The following BLTP1 variants were observed in gnomAD, a reference collection of about 807,000 sequenced individuals.
The protein encoded by BLTP1 is bridge-like lipid transfer protein family member 1.
At chr4:122,298,408 G>C in the BLTP1 span, among the ~76,000 whole-genome samples, 1 of 152,046 alleles carries the variant, frequency 6.6e-6, no homozygotes, top group Non-Finnish European at 1.5e-5. Context: ...ACAATTTTTT[G>C]TGGCAGTATT....
At chr4:122,314,396 A>G in the BLTP1 span, among the ~76,000 whole-genome samples, 1 of 152,198 alleles carries the variant, frequency 6.6e-6, no homozygotes, top group South Asian at 2.1e-4. Flanking sequence ...TGACGACACT[A>G]TCAAAGGAAC....
chr4:122,212,126 T>C, the BLTP1 span: 1 of 937,242 alleles, frequency 1.1e-6, no homozygotes, highest in South Asian at 4.9e-5. Flanking sequence ...CAAGGTTTGT[T>C]AGTAAAGGCT....
At chr4:122,307,731 C>T in the BLTP1 span, 5 of 985,142 alleles carry the variant, frequency 5.1e-6, no homozygotes, top group Admixed American at 2.5e-4. Flanking sequence ...TTCCTTGTGC[C>T]ATTATGTGGT....
At chr4:122,350,344 T>G in the BLTP1 span, 7 of 985,220 alleles carry the variant, frequency 7.1e-6, no homozygotes, top group Non-Finnish European at 8.4e-6. Flanking sequence ...TTTATGAGAA[T>G]ATCATGTTCT....
the BLTP1 span, chr4:122,333,660 C>G: frequency 8.1e-6 from 13 of 1,608,830 alleles, no homozygotes; most frequent in Non-Finnish European, 1.1e-5. Context: ...GAGCTTAGAT[C>G]AAGATTCACC....
At chr4:122,308,054 T>C in the BLTP1 span, 1 of 1,613,548 alleles carries the variant, frequency 6.2e-7, no homozygotes, top group South Asian at 1.1e-5. Flanking sequence ...GTAGTAGATA[T>C]GCTACCTGGT....
the BLTP1 span, chr4:122,359,629 C>G: frequency 1.9e-6 from 3 of 1,612,790 alleles, no homozygotes; most frequent in Non-Finnish European, 2.5e-6. Flanking sequence ...GACGACAATT[C>G]CTCTGATAAA....
chr4:122,178,103 CT>C, the BLTP1 span: 2 of 867,586 alleles, frequency 2.3e-6, no homozygotes, highest in Non-Finnish European at 2.8e-6. Context: ...TGAGAAACAT[CT>C]TATAGAATGC....
the BLTP1 span, chr4:122,230,072 C>T: frequency 6.2e-7 from 1 of 1,614,152 alleles, no homozygotes; most frequent in South Asian, 1.1e-5. Flanking sequence ...GCCTGCAGTG[C>T]TACGGAGGGC....
At chr4:122,247,426 C>G in the BLTP1 span, 1 of 1,551,820 alleles carries the variant, frequency 6.4e-7, no homozygotes, top group African/African-American at 1.4e-5. Context: ...CAGAAGGGAA[C>G]ATGTTTTTTT....
At chr4:122,284,375 T>C in the BLTP1 span, among the ~76,000 whole-genome samples, 2 of 152,202 alleles carry the variant, frequency 1.3e-5, no homozygotes, top group Non-Finnish European at 2.9e-5. Flanking sequence ...TGATGTCTGC[T>C]CTAGGTTTCT....
the BLTP1 span, chr4:122,277,828 T>G: frequency 1.5e-6 from 1 of 653,328 alleles, no homozygotes; most frequent in Non-Finnish European, 1.9e-6. Context: ...CTTTTCATAT[T>G]TAATGTCTGT....
the BLTP1 span, chr4:122,276,844 T>C: frequency 1.0e-6 from 1 of 979,756 alleles, no homozygotes; most frequent in Non-Finnish European, 1.2e-6. Flanking sequence ...TTTTACTGTT[T>C]ATAAACAATC....
chr4:122,166,420 T>G, the BLTP1 span, among the ~76,000 whole-genome samples: 3 of 152,214 alleles, frequency 2.0e-5, no homozygotes, highest in Non-Finnish European at 4.4e-5. Context: ...TCTGTTCCGT[T>G]CCATTGGTCT....
the BLTP1 span, chr4:122,174,489 A>G: frequency 1.3e-6 from 2 of 1,550,612 alleles, no homozygotes; most frequent in South Asian, 2.4e-5. Flanking sequence ...GAATAAATTT[A>G]GTGCTAATGT....
At chr4:122,253,870 C>T in the BLTP1 span, among the ~76,000 whole-genome samples, 1 of 152,042 alleles carries the variant, frequency 6.6e-6, no homozygotes, top group Non-Finnish European at 1.5e-5. Context: ...TCCCAAAGAT[C>T]AAGCATAAAG....
the BLTP1 span, chr4:122,171,660 T>C: frequency 3.2e-4 from 41 of 130,116 alleles, no homozygotes; most frequent in Middle Eastern, 4.1e-3. Flanking sequence ...TTTTTTTTTT[T>C]CTGAGGGGAT....
chr4:122,165,010 G>T, the BLTP1 span, among the ~76,000 whole-genome samples: 1 of 152,176 alleles, frequency 6.6e-6, no homozygotes, highest in Non-Finnish European at 1.5e-5. Flanking sequence ...CGTATGCACT[G>T]TAAGTAGGTG....
chr4:122,210,557 T>C, the BLTP1 span, among the ~76,000 whole-genome samples: 2 of 152,142 alleles, frequency 1.3e-5, no homozygotes, highest in African/African-American at 4.8e-5. Flanking sequence ...TTGTAGTTAG[T>C]GCCCAAGAAT....
Sources: allele counts gnomAD v4.1 joint callset (sites outside exome capture counted in the v4.1 genomes callset), GRCh38; gene constraint gnomAD v4.1.1; transcripts MANE v1.5; gene names NCBI Gene and HGNC (gene_info 2026-07-23, HGNC 2026-07-21).